The following ZBTB8A variants were observed in gnomAD, a reference collection of about 807,000 sequenced individuals.
ZBTB8A encodes zinc finger and BTB domain containing 8A.
A neutral mutation model predicts 37.8 loss-of-function variants in ZBTB8A; 19 were observed. That is an observed-to-expected ratio of 0.50 (90% CI 0.35 to 0.74). ZBTB8A has a LOEUF of 0.74. Among genes scored for constraint, ZBTB8A ranks in the 30% least tolerant of loss-of-function variants. The pLI is 0.01. For missense variants in ZBTB8A, 394 were observed against 537.8 expected, an observed-to-expected ratio of 0.73 and a Z score of 2.65; for synonymous variants, 181 against 185.2, an observed-to-expected ratio of 0.98 and a Z score of 0.19.
intron 2 of ZBTB8A, among the ~76,000 whole-genome samples, chr1:32,569,499 T>G (rs1644308837): frequency 6.9e-6 from 1 of 145,780 alleles, no homozygotes; most frequent in South Asian, 2.4e-4. Flanking sequence ...GTTCACGCCA[T>G]TCTCCTGCCT....
At chr1:32,584,508 C>CTTTTTTT (rs1177778440) in intron 2 of ZBTB8A, among the ~76,000 whole-genome samples, 42 of 117,848 alleles carry the variant, frequency 3.6e-4, no homozygotes, top group East Asian at 7.4e-4. Context: ...TTCTTTCTTT[C>CTTTTTTT]TTTTTTTTTT....
At chr1:32,574,044 C>G (rs1644342729) in intron 2 of ZBTB8A, among the ~76,000 whole-genome samples, 2 of 151,720 alleles carry the variant, frequency 1.3e-5, no homozygotes, top group South Asian at 2.1e-4. Context: ...CCATTGCATT[C>G]CAGCCTGGGC....
At chr1:32,546,658 T>G (rs7516064) in intron 1 of ZBTB8A, among the ~76,000 whole-genome samples, 20,176 of 151,912 alleles carry the variant, frequency 0.13, 1,579 homozygotes, top group African/African-American at 0.23. Context: ...AAAATATACT[T>G]CTGTGGAGTT....
intron 2 of ZBTB8A, among the ~76,000 whole-genome samples, chr1:32,570,473 G>A (rs1644315628): frequency 1.3e-5 from 2 of 152,088 alleles, no homozygotes; most frequent in African/African-American, 4.8e-5. Flanking sequence ...ATTTTGTTGG[G>A]ATTACATTAA....
chr1:32,545,586 C>T (rs1260784919), intron 1 of ZBTB8A, among the ~76,000 whole-genome samples: 1 of 152,122 alleles, frequency 6.6e-6, no homozygotes, highest in Non-Finnish European at 1.5e-5. Context: ...CCTCAGAACC[C>T]CCAAAACTGG....
At chr1:32,560,321 T>C (rs1644233582) in intron 2 of ZBTB8A, among the ~76,000 whole-genome samples, 1 of 152,180 alleles carries the variant, frequency 6.6e-6, no homozygotes, top group Admixed American at 6.6e-5. Context: ...CCTTCTGCAC[T>C]GTCCCAGGAC....
chr1:32,564,189 C>T (rs184161321), intron 2 of ZBTB8A, among the ~76,000 whole-genome samples: 1 of 152,238 alleles, frequency 6.6e-6, no homozygotes, highest in Non-Finnish European at 1.5e-5. Context: ...GACATTACTG[C>T]TTTATTTCTC....
chr1:32,599,183 A>G (rs1483992134), intron 4 of ZBTB8A, among the ~76,000 whole-genome samples: 1 of 152,038 alleles, frequency 6.6e-6, no homozygotes, highest in East Asian at 1.9e-4. Flanking sequence ...ACAAAACAAG[A>G]GAGATTGCAC....
chr1:32,601,691 C>T lies in ZBTB8A; in HGVS notation c.*1272C>T, dbSNP rs748267714. 260 of 398,514 alleles carry T rather than the reference C, an allele frequency of 6.5e-4. No homozygotes were observed. The highest frequency in any genetic ancestry group is 1.0e-3 in the Non-Finnish European group (225 of 226,026). 24.7% of individuals were successfully genotyped at this position (398,514 alleles called of 1,614,324 possible). ...CTGATTTTAAACAATCCTCTTTCAG[C>T]CTTCTCTCCCTGTATGTCTCCTGAA... On this transcript the variant is annotated 3_prime_UTR_variant, in exon 5 of 5. Coordinates refer to ENST00000373510, the MANE Select transcript of ZBTB8A (RefSeq NM_001040441.3).
At chr1:32,565,787 C>T (rs1644273913) in intron 2 of ZBTB8A, among the ~76,000 whole-genome samples, 1 of 152,106 alleles carries the variant, frequency 6.6e-6, no homozygotes, top group South Asian at 2.1e-4. Context: ...GACTGAGCAT[C>T]TGTATGCTGG....
At chr1:32,542,248 AT>A (rs1228917220) in intron 1 of ZBTB8A, among the ~76,000 whole-genome samples, 4 of 149,424 alleles carry the variant, frequency 2.7e-5, no homozygotes, top group Admixed American at 6.8e-5. Context: ...TAATGACTAT[AT>A]ATCTTAAAAG....
At chr1:32,557,537 G>T (rs780242465) in intron 2 of ZBTB8A, among the ~76,000 whole-genome samples, 1 of 151,966 alleles carries the variant, frequency 6.6e-6, no homozygotes, top group African/African-American at 2.4e-5. Flanking sequence ...ATCCGAACTC[G>T]CTGCAGCCTC....
intron 2 of ZBTB8A, among the ~76,000 whole-genome samples, chr1:32,573,094 T>C (rs1644334048): frequency 2.8e-5 from 4 of 143,756 alleles, no homozygotes; most frequent in Middle Eastern, 7.0e-3. Flanking sequence ...TTTTTGAGAC[T>C]GGGTCTCCCT....
intron 1 of ZBTB8A, among the ~76,000 whole-genome samples, chr1:32,548,883 T>A (rs12130349): frequency 0.11 from 17,351 of 152,146 alleles, 1,090 homozygotes; most frequent in African/African-American, 0.18. Flanking sequence ...GTCCATGCTC[T>A]CATTGATAAA....
intron 2 of ZBTB8A, among the ~76,000 whole-genome samples, chr1:32,573,850 G>A (rs1204634039): frequency 2.7e-5 from 4 of 150,576 alleles, no homozygotes; most frequent in African/African-American, 7.3e-5. Context: ...CGAGACAGGC[G>A]GATCACCTGA....
rs555394401 is a variant in ZBTB8A at position 32,547,123 on chromosome 1, C to T, written c.-83-6336C>T. On this transcript the variant is annotated intron_variant, in intron 1 of 4. Coordinates refer to ENST00000373510, the MANE Select transcript of ZBTB8A (RefSeq NM_001040441.3). ...CTCGCCATGTTGCCCAGGCTGGTCT[C>T]GAACTCCTGGGCTCAAGTGATCCTC... is the stretch of plus-strand genomic sequence containing the variant. Among the ~76,000 whole-genome samples the T allele has an allele frequency of 4.6e-5, 7 of 151,848 alleles. No homozygotes were observed. The East Asian group carries it at 1.2e-3, about 25-fold the overall frequency.
chr1:32,589,844 G>T (rs1163540283), intron 2 of ZBTB8A, among the ~76,000 whole-genome samples: 1 of 152,030 alleles, frequency 6.6e-6, no homozygotes, highest in African/African-American at 2.4e-5. Flanking sequence ...GAGTCACCAC[G>T]CCCGGCCTCT....
intron 1 of ZBTB8A, among the ~76,000 whole-genome samples, chr1:32,553,065 T>A (rs1032311802): frequency 6.9e-6 from 1 of 145,844 alleles, no homozygotes; most frequent in African/African-American, 2.5e-5. Flanking sequence ...TCTTATATAA[T>A]TTTTTTTTTT....
chr1:32,601,517 G>A lies in ZBTB8A; in HGVS notation c.*1098G>A, dbSNP rs1465166484. The stretch of plus-strand genomic sequence containing the variant: ...AAACTAGGAGGTTCTTACCATATGT[G>A]AGTGATTTCTAACGTTTATGTAGTG... On this transcript the variant is annotated 3_prime_UTR_variant, in exon 5 of 5. Transcript: ENST00000373510. 1 of 397,408 alleles carries A rather than the reference G, an allele frequency of 2.5e-6. No homozygotes were observed. The highest frequency in any genetic ancestry group is 2.1e-5 in the African/African-American group (1 of 48,572). 24.6% of individuals were successfully genotyped at this position (397,408 alleles called of 1,614,324 possible).
Sources: allele counts gnomAD v4.1 joint callset (sites outside exome capture counted in the v4.1 genomes callset), GRCh38; gene constraint gnomAD v4.1.1; transcripts MANE v1.5; gene names NCBI Gene and HGNC (gene_info 2026-07-23, HGNC 2026-07-21).